Variants in PCDH15 observed in about 807,000 individuals in gnomAD.
The protein encoded by PCDH15 is protocadherin-15.
In PCDH15, 129 loss-of-function variants were observed where a neutral mutation model predicts 178.5. The ratio of observed to expected loss-of-function variants is 0.72; its 90% CI spans 0.63 to 0.84. The LOEUF (loss-of-function observed/expected upper bound fraction) is 0.84. Ranked by LOEUF, PCDH15 falls within the 40% of genes least tolerant of loss-of-function variation. The pLI is 0.00. For missense variants in PCDH15, 2,230 were observed against 2,099.9 expected (o/e 1.06, Z -1.21); for synonymous variants, 800 against 732.0 (o/e 1.09, Z -1.50).
intron 2 of PCDH15, among the ~76,000 whole-genome samples, chr10:54,960,325 A>C (rs1838609980): frequency 1.3e-5 from 2 of 152,284 alleles, no homozygotes; most frequent in South Asian, 4.1e-4. Context: ...ATAAGCTAAT[A>C]AGAAAATATA....
intron 2 of PCDH15, among the ~76,000 whole-genome samples, chr10:55,355,261 T>C (rs987443504): frequency 2.6e-5 from 4 of 152,034 alleles, no homozygotes; most frequent in Non-Finnish European, 5.9e-5. Flanking sequence ...TTTCTCTAGA[T>C]AAAGTAAATG....
intron 2 of PCDH15, among the ~76,000 whole-genome samples, chr10:55,597,590 A>G (rs1371814436): frequency 6.6e-6 from 1 of 152,218 alleles, no homozygotes; most frequent in Non-Finnish European, 1.5e-5. Flanking sequence ...CTTATATAAT[A>G]CTTCAAGCAT....
chr10:54,830,482 G>A (rs1419525266), intron 3 of PCDH15, among the ~76,000 whole-genome samples: 1 of 151,828 alleles, frequency 6.6e-6, no homozygotes, highest in East Asian at 1.9e-4. Flanking sequence ...ACTATCGCAA[G>A]GACAAAAAAC....
At chr10:54,462,641 C>T (rs1188704362) in intron 3 of PCDH15, among the ~76,000 whole-genome samples, 1 of 144,952 alleles carries the variant, frequency 6.9e-6, no homozygotes, top group African/African-American at 2.6e-5. Context: ...CAGCCTTCCC[C>T]AGTCTGGAAA....
chr10:55,574,855 T>C (rs1842468483), intron 2 of PCDH15, among the ~76,000 whole-genome samples: 1 of 152,078 alleles, frequency 6.6e-6, no homozygotes, highest in Non-Finnish European at 1.5e-5. Context: ...TATCTTCTTA[T>C]TGTTATATTT....
chr10:54,261,873 T>A (rs1168952156), intron 8 of PCDH15, among the ~76,000 whole-genome samples: 1 of 152,008 alleles, frequency 6.6e-6, no homozygotes, highest in African/African-American at 2.4e-5. Flanking sequence ...CAGTAAACCG[T>A]CACATTTTAA....
At chr10:54,558,028 AAAAC>A (rs922137743) in intron 2 of PCDH15, among the ~76,000 whole-genome samples, 8 of 152,120 alleles carry the variant, frequency 5.3e-5, no homozygotes, top group Non-Finnish European at 7.4e-5. Context: ...AGCCAAAACA[AAAAC>A]AAACAAACAA....
At chr10:55,183,939 C>T (rs189175646) in intron 1 of PCDH15, among the ~76,000 whole-genome samples, 43 of 152,034 alleles carry the variant, frequency 2.8e-4, no homozygotes, top group Non-Finnish European at 4.6e-4. Context: ...CTTTGTACTT[C>T]TAGCTGTGAA....
intron 2 of PCDH15, among the ~76,000 whole-genome samples, chr10:55,089,850 C>T (rs777432582): frequency 3.2e-4 from 48 of 152,022 alleles, no homozygotes; most frequent in African/African-American, 9.2e-4. Flanking sequence ...GATATTTATT[C>T]GGGAAGTTAA....
intron 2 of PCDH15, among the ~76,000 whole-genome samples, chr10:55,496,186 TA>T (rs1219555711): frequency 2.0e-5 from 3 of 151,644 alleles, no homozygotes; most frequent in Non-Finnish European, 4.4e-5. Flanking sequence ...TATATCTCAA[TA>T]AAACTTAAAG....
chr10:53,849,031 T>A (rs10825122), intron 28 of PCDH15, among the ~76,000 whole-genome samples: 4,484 of 152,184 alleles, frequency 0.029, 136 homozygotes, highest in East Asian at 0.15. Context: ...GATTTTAAAC[T>A]TTTTTCACCT....
chr10:54,806,371 T>C (rs186857508), intron 3 of PCDH15, among the ~76,000 whole-genome samples: 7 of 152,246 alleles, frequency 4.6e-5, no homozygotes, highest in Non-Finnish European at 8.8e-5. Flanking sequence ...CAGGCTCTAA[T>C]CAAGGTATTG....
intron 3 of PCDH15, among the ~76,000 whole-genome samples, chr10:54,446,452 G>T (rs1307840081): frequency 2.0e-5 from 3 of 151,472 alleles, no homozygotes; most frequent in African/African-American, 4.8e-5. Context: ...TGTTGATTCG[G>T]TTTTTTGTGT....
At chr10:55,511,642 C>A (rs938135548) in intron 2 of PCDH15, among the ~76,000 whole-genome samples, 5 of 151,954 alleles carry the variant, frequency 3.3e-5, no homozygotes, top group African/African-American at 1.2e-4. Flanking sequence ...ATTCATATGG[C>A]AAATAAGCAG....
chr10:53,840,392 G>C lies in PCDH15; in HGVS notation c.3911C>G (p.Thr1304Ser), dbSNP rs551509230. The change falls in exon 29 of 38, where the codon ACC (threonine) becomes AGC (serine). Residue 1304 changes from threonine (T) to serine (S), a missense_variant. Coordinates refer to ENST00000644397, the MANE Select transcript of PCDH15 (RefSeq NM_001384140.1). ...TGCATAGACAGTCAAGTCACATTTG[G>C]TGTAATCTTCTAGGGAAAAGGCATC... ...HGDAFSLEDY[T>S]KCDLTVYAID... 4.3e-6 allele frequency: 7 copies of C among 1,614,054 alleles called. No homozygotes were observed. The highest frequency in any genetic ancestry group is 5.9e-6 in the Non-Finnish European group (7 of 1,179,962).
chr10:54,035,776 AG>A (rs1396392450), intron 18 of PCDH15, among the ~76,000 whole-genome samples: 2 of 152,022 alleles, frequency 1.3e-5, no homozygotes, highest in South Asian at 4.1e-4. Context: ...TTAGTGAGAA[AG>A]GTAGGTCAAA....
chr10:55,552,617 C>G (rs968772950), intron 2 of PCDH15, among the ~76,000 whole-genome samples: 1 of 151,202 alleles, frequency 6.6e-6, no homozygotes, highest in African/African-American at 2.4e-5. Flanking sequence ...AAAAAATATA[C>G]AGTTGTTACA....
At chr10:55,345,444 G>T (rs1048324916) in intron 2 of PCDH15, among the ~76,000 whole-genome samples, 3 of 151,950 alleles carry the variant, frequency 2.0e-5, no homozygotes, top group Non-Finnish European at 4.4e-5. Context: ...TTTACTGTGA[G>T]AATAACTATA....
chr10:55,285,081 T>C (rs1464309159), intron 1 of PCDH15, among the ~76,000 whole-genome samples: 1 of 151,212 alleles, frequency 6.6e-6, no homozygotes, highest in African/African-American at 2.4e-5. Flanking sequence ...TATTGAGCTT[T>C]CCATCTATGT....
Sources: allele counts gnomAD v4.1 joint callset (sites outside exome capture counted in the v4.1 genomes callset), GRCh38; gene constraint gnomAD v4.1.1; transcripts MANE v1.5; gene names NCBI Gene and HGNC (gene_info 2026-07-23, HGNC 2026-07-21).